THSD4: variants seen among roughly 807,000 people sequenced by gnomAD.
THSD4 encodes the protein thrombospondin type 1 domain containing 4.
A neutral mutation model predicts 119.0 loss-of-function variants in THSD4; 69 were observed. The ratio of observed to expected loss-of-function variants is 0.58; its 90% CI spans 0.48 to 0.71. The LOEUF (loss-of-function observed/expected upper bound fraction) is 0.71, where lower values mean the gene tolerates loss of function less well. Ranked by LOEUF, THSD4 falls within the 30% of genes least tolerant of loss-of-function variation. The pLI is 0.00. For synonymous variants in THSD4, 524 were observed against 540.4 expected, an observed-to-expected ratio of 0.97 and a Z score of 0.42; for missense variants, 1,393 against 1,391.1, an observed-to-expected ratio of 1.00 and a Z score of -0.02.
intron 15 of THSD4, among the ~76,000 whole-genome samples, chr15:71,763,719 A>G (rs8030285): frequency 0.13 from 20,050 of 151,758 alleles, 2,649 homozygotes; most frequent in African/African-American, 0.33. Flanking sequence ...TGCTAGGATT[A>G]TAGGAGTGAG....
chr15:71,710,532 A>T (rs555472765), intron 8 of THSD4, among the ~76,000 whole-genome samples: 19 of 152,354 alleles, frequency 1.2e-4, no homozygotes, highest in African/African-American at 4.1e-4. Context: ...GTGCCTCAGA[A>T]ACTAGACCCA....
intron 2 of THSD4, among the ~76,000 whole-genome samples, chr15:71,152,398 G>C (rs1219050267): frequency 6.6e-6 from 1 of 151,652 alleles, no homozygotes; most frequent in African/African-American, 2.4e-5. Flanking sequence ...CTCCAGCCTG[G>C]GAGACAGAAC....
chr15:71,568,741 T>C (rs765025714), intron 7 of THSD4, among the ~76,000 whole-genome samples: 2 of 152,072 alleles, frequency 1.3e-5, no homozygotes, highest in Non-Finnish European at 2.9e-5. Context: ...CCCTCCCCCT[T>C]CCCCCGACCC....
chr15:71,441,057 A>G (rs2047081040), intron 7 of THSD4, among the ~76,000 whole-genome samples: 1 of 152,222 alleles, frequency 6.6e-6, no homozygotes, highest in Non-Finnish European at 1.5e-5. Flanking sequence ...TCAGAGACAC[A>G]GTCCTCTTAT....
chr15:71,752,058 C>T (rs548472768), intron 14 of THSD4, among the ~76,000 whole-genome samples: 2 of 152,226 alleles, frequency 1.3e-5, no homozygotes, highest in South Asian at 2.1e-4. Context: ...CAACTGAGAG[C>T]GCTTTTACAG....
rs1016469608 is a variant in THSD4, at chr15:71,559,441, A to G, written c.1153-101089A>G. 2.0e-5 allele frequency among the ~76,000 whole-genome samples: 3 copies of G among 152,162 alleles called. No individual in the cohort carries two copies. In the South Asian group the frequency reaches 6.2e-4, roughly 32 times the overall value. On this transcript the variant is annotated intron_variant, in intron 7 of 17. Transcript: ENST00000261862. Reference sequence around the variant, plus strand: ...TATCCTTTCTTGTTTTATAGTTGTCATTACAACTTGTGTGTTTTCTGCGAT... The same window carrying G: ...TATCCTTTCTTGTTTTATAGTTGTCGTTACAACTTGTGTGTTTTCTGCGAT...
intron 7 of THSD4, among the ~76,000 whole-genome samples, chr15:71,551,861 T>C (rs1595878721): frequency 6.6e-6 from 1 of 152,164 alleles, no homozygotes; most frequent in Non-Finnish European, 1.5e-5. Flanking sequence ...ATAAACCATA[T>C]TGTCTATACA....
chr15:71,227,396 A>G (rs2044026438), intron 4 of THSD4, among the ~76,000 whole-genome samples: 1 of 152,202 alleles, frequency 6.6e-6, no homozygotes, highest in Non-Finnish European at 1.5e-5. Flanking sequence ...TGCATCTGGA[A>G]TCCGCTAGGG....
At chr15:71,171,334 A>C (rs1472116943) in intron 3 of THSD4, among the ~76,000 whole-genome samples, 3 of 152,220 alleles carry the variant, frequency 2.0e-5, no homozygotes, top group Admixed American at 2.0e-4. Context: ...TAAGAATGAC[A>C]GTAGATTCTC....
intron 7 of THSD4, among the ~76,000 whole-genome samples, chr15:71,595,726 T>C (rs370487212): frequency 6.6e-6 from 1 of 152,152 alleles, no homozygotes; most frequent in African/African-American, 2.4e-5. Context: ...CCTTGAATTA[T>C]TGAGCAGAAG....
intron 8 of THSD4, among the ~76,000 whole-genome samples, chr15:71,663,344 A>C (rs2051351681): frequency 6.6e-6 from 1 of 152,232 alleles, no homozygotes; most frequent in Non-Finnish European, 1.5e-5. Flanking sequence ...GGTGCACATG[A>C]AATCGGTAGC....
At chr15:71,276,453 C>G (rs559263318) in intron 6 of THSD4, among the ~76,000 whole-genome samples, 1 of 152,174 alleles carries the variant, frequency 6.6e-6, no homozygotes, top group Non-Finnish European at 1.5e-5. Flanking sequence ...GCGCAGGTCT[C>G]CTCACCTGTG....
chr15:71,434,434 CTTTTTTTTTTT>C (rs34097873), intron 7 of THSD4, among the ~76,000 whole-genome samples: 2 of 82,586 alleles, frequency 2.4e-5, no homozygotes, highest in Admixed American at 3.1e-4. Flanking sequence ...TCAGTGGTCC[CTTTTTTTTTTT>C]TTTTTTTTTT....
At chr15:71,211,043 G>A (rs12595106) in intron 3 of THSD4, among the ~76,000 whole-genome samples, 66,556 of 151,986 alleles carry the variant, frequency 0.44, 15,238 homozygotes, top group Middle Eastern at 0.6. Flanking sequence ...ATTGGAAATT[G>A]TGATAGGTAT....
chr15:71,762,234 T>G (rs990061222), intron 15 of THSD4, among the ~76,000 whole-genome samples: 9 of 152,100 alleles, frequency 5.9e-5, no homozygotes, highest in Admixed American at 1.3e-4. Context: ...ACGCACATAT[T>G]CTGCCATTTC....
chr15:71,593,422 TCAAAAAAAAAAAAAAAAAAAAAAAAAA>T (rs2049845853), intron 7 of THSD4, among the ~76,000 whole-genome samples: 1 of 1,102 alleles, frequency 9.1e-4, no homozygotes, highest in African/African-American at 1.4e-3. Context: ...AGACTCCGTC[TCAAAAAAAAAAAAAAAAAAAAAAAAAA>T]AAAAAAAAAA....
At chr15:71,326,734 G>T (rs369553052) in intron 6 of THSD4, among the ~76,000 whole-genome samples, 1 of 80,246 alleles carries the variant, frequency 1.2e-5, no homozygotes, top group Non-Finnish European at 2.6e-5. Context: ...TATTAGCTGG[G>T]TGTGGTGGCA....
intron 7 of THSD4, among the ~76,000 whole-genome samples, chr15:71,465,556 A>C (rs2047487583): frequency 6.6e-6 from 1 of 152,168 alleles, no homozygotes; most frequent in Non-Finnish European, 1.5e-5. Flanking sequence ...AGGAAAGAGG[A>C]TCATTATTTA....
chr15:71,448,631 G>A (rs1253911703), intron 7 of THSD4, among the ~76,000 whole-genome samples: 2 of 152,176 alleles, frequency 1.3e-5, no homozygotes, highest in Admixed American at 6.5e-5. Context: ...GACATGCAAC[G>A]TGAAGCAAGC....
Sources: allele counts gnomAD v4.1 joint callset (sites outside exome capture counted in the v4.1 genomes callset), GRCh38; gene constraint gnomAD v4.1.1; transcripts MANE v1.5; gene names NCBI Gene and HGNC (gene_info 2026-07-23, HGNC 2026-07-21).